SRGAP1: variants seen among roughly 807,000 people sequenced by gnomAD.
The protein encoded by SRGAP1 is SLIT-ROBO Rho GTPase-activating protein 1.
A neutral mutation model predicts 121.9 loss-of-function variants in SRGAP1; 43 were observed. The observed-to-expected ratio is 0.35, with a 90% CI of 0.28 to 0.46. The LOEUF is 0.46. Ranked by LOEUF, SRGAP1 falls within the 20% of genes least tolerant of loss-of-function variation. The pLI is 1.00. For missense variants in SRGAP1, 1,102 were observed against 1,350.9 expected (o/e 0.82, Z 2.89); for synonymous variants, 447 against 485.4 (o/e 0.92, Z 1.04).
chr12:64,054,546 C>T (rs1283857447), intron 6 of SRGAP1, among the ~76,000 whole-genome samples: 1 of 152,040 alleles, frequency 6.6e-6, no homozygotes, highest in African/African-American at 2.4e-5. Context: ...ACTGTATTCC[C>T]CATTAGACAT....
Position 64,156,648 on chromosome 12 carries a change from T to C in SRGAP1, c.*13976T>C, listed in dbSNP as rs1318062141. 2 of 152,192 alleles carry C rather than the reference T, an allele frequency of 1.3e-5. No homozygotes were observed. Among genetic ancestry groups the C allele is most frequent in the Non-Finnish European group, 2.9e-5 (2 of 68,036 alleles). 9.4% of individuals were successfully genotyped at this position (152,192 alleles called of 1,614,324 possible). ...GAAGTTAAATCTATTAATCTAGCCT[T>C]ATTACACCGAGTACAACAGGGAATA... is the stretch of plus-strand genomic sequence containing the variant. On this transcript the variant is annotated 3_prime_UTR_variant, in exon 22 of 22. Coordinates refer to ENST00000355086, the MANE Select transcript of SRGAP1 (RefSeq NM_020762.4).
At chr12:64,133,059 T>C (rs1385949003) in intron 21 of SRGAP1, among the ~76,000 whole-genome samples, 4 of 152,218 alleles carry the variant, frequency 2.6e-5, no homozygotes, top group African/African-American at 9.6e-5. Flanking sequence ...AATAATCCAC[T>C]GTCATTCTCC....
At chr12:63,941,559 G>A (rs1409359884) in intron 1 of SRGAP1, among the ~76,000 whole-genome samples, 1 of 151,878 alleles carries the variant, frequency 6.6e-6, no homozygotes, top group Non-Finnish European at 1.5e-5. Flanking sequence ...AGTTCACTTG[G>A]GTTTCACCAA....
At chr12:63,957,785 C>G (rs2032518438) in intron 1 of SRGAP1, among the ~76,000 whole-genome samples, 1 of 152,058 alleles carries the variant, frequency 6.6e-6, no homozygotes, top group Admixed American at 6.6e-5. Context: ...CCTTTTTTCT[C>G]TCAGCAATTT....
intron 11 of SRGAP1, among the ~76,000 whole-genome samples, chr12:64,087,592 C>T (rs186683549): frequency 7.2e-4 from 110 of 151,934 alleles, no homozygotes; most frequent in Non-Finnish European, 1.3e-3. Flanking sequence ...AAAAATTAGC[C>T]GGGCGTGGTG....
chr12:63,967,512 T>C (rs1005988369), intron 1 of SRGAP1, among the ~76,000 whole-genome samples: 1 of 152,202 alleles, frequency 6.6e-6, no homozygotes, highest in Non-Finnish European at 1.5e-5. Flanking sequence ...TACATTTTTG[T>C]TGAACCAGTG....
At chr12:63,958,523 A>G (rs1393525916) in intron 1 of SRGAP1, among the ~76,000 whole-genome samples, 1 of 152,194 alleles carries the variant, frequency 6.6e-6, no homozygotes. Context: ...TTGATGAGCA[A>G]CTTCACTGAA....
rs2037210915 is a variant in SRGAP1, at chr12:64,161,834, A to G, written c.*19162A>G. The G allele has an allele frequency of 6.6e-6, 1 of 152,220 alleles. No homozygotes were observed. The highest frequency in any genetic ancestry group is 2.1e-4 in the South Asian group (1 of 4,822). 9.4% of individuals were successfully genotyped at this position (152,220 alleles called of 1,614,324 possible). A position where few individuals can be genotyped will look rare whatever the true frequency, so the allele number is the denominator to read the frequency against. ...CAAATGTCCATCAACAGAGGGACAAATGAATAAGCAAATGTGGTATATTGA... is the reference window on the plus strand; with the variant it reads ...CAAATGTCCATCAACAGAGGGACAAGTGAATAAGCAAATGTGGTATATTGA... On this transcript the variant is annotated 3_prime_UTR_variant, in exon 22 of 22. Coordinates refer to ENST00000355086, the MANE Select transcript of SRGAP1 (RefSeq NM_020762.4).
chr12:63,863,607 CTTGTATTG>C (rs1899529488), intron 1 of SRGAP1, among the ~76,000 whole-genome samples: 1 of 152,174 alleles, frequency 6.6e-6, no homozygotes, highest in Non-Finnish European at 1.5e-5. Context: ...TTCTGTTGCA[CTTGTATTG>C]ACAGTGTTTA....
At chr12:64,084,412 A>G (rs181076070) in intron 10 of SRGAP1, among the ~76,000 whole-genome samples, 12 of 152,314 alleles carry the variant, frequency 7.9e-5, no homozygotes, top group Admixed American at 7.8e-4. Context: ...ATTGAAATCT[A>G]ATCCTCAGAC....
At chr12:63,909,467 GTA>G (rs2030387996) in intron 1 of SRGAP1, among the ~76,000 whole-genome samples, 1 of 152,134 alleles carries the variant, frequency 6.6e-6, no homozygotes, top group African/African-American at 2.4e-5. Flanking sequence ...CTTTTCAATT[GTA>G]TGTGCTTTTT....
At chr12:64,130,436 T>C (rs1480291236) in intron 21 of SRGAP1, among the ~76,000 whole-genome samples, 3 of 152,076 alleles carry the variant, frequency 2.0e-5, no homozygotes, top group Non-Finnish European at 4.4e-5. Flanking sequence ...CTAGGGATAA[T>C]GATGAATGGT....
At chr12:64,060,205 C>CTTTTTTTTTTTTT (rs58447783) in intron 6 of SRGAP1, among the ~76,000 whole-genome samples, 1 of 121,442 alleles carries the variant, frequency 8.2e-6, no homozygotes, top group Admixed American at 8.7e-5. Context: ...TTCTTTTTTT[C>CTTTTTTTTTTTTT]TTTTTTTTTT....
At chr12:63,845,554 A>G (rs1898875111) in intron 1 of SRGAP1, among the ~76,000 whole-genome samples, 1 of 152,192 alleles carries the variant, frequency 6.6e-6, no homozygotes, top group Non-Finnish European at 1.5e-5. Flanking sequence ...TTGCATGTAA[A>G]ATGAAGGTTT....
chr12:63,993,300 C>T (rs764674726), intron 3 of SRGAP1, among the ~76,000 whole-genome samples: 22 of 152,092 alleles, frequency 1.4e-4, no homozygotes, highest in Non-Finnish European at 3.1e-4. Flanking sequence ...ATACAAATTA[C>T]TCCCACATGC....
rs139600835 is a variant in SRGAP1, at chr12:64,004,704, T to G, written c.427-12246T>G. On this transcript the variant is annotated intron_variant, in intron 3 of 21. Coordinates refer to ENST00000355086, the MANE Select transcript of SRGAP1 (RefSeq NM_020762.4). ...TCATTTTCAAAGAGGCATAGACACA[T>G]TGAATCCTTACCCATTTTTCTCATC... 1.6e-3 allele frequency among the ~76,000 whole-genome samples: 238 copies of G among 152,310 alleles called. 2 individuals are homozygous for G. Among genetic ancestry groups the G allele is most frequent in the Admixed American group, 2.8e-3 (43 of 15,300 alleles).
chr12:64,017,051 G>A (rs1362903622), intron 4 of SRGAP1, 39 bp downstream of exon 4: 2 of 1,228,762 alleles, frequency 1.6e-6, no homozygotes, highest in Non-Finnish European at 2.3e-6. Flanking sequence ...GAATCCTTGG[G>A]TTAGAATTCT....
At chr12:64,097,504 A>G in intron 15 of SRGAP1, 129 bp downstream of exon 15, 1 of 1,006,762 alleles carries the variant, frequency 9.9e-7, no homozygotes, top group Non-Finnish European at 1.4e-6. Flanking sequence ...TTCTGGGACC[A>G]TTTGTTTTCT....
chr12:63,938,391 C>T (rs955063655), intron 1 of SRGAP1, among the ~76,000 whole-genome samples: 9 of 152,088 alleles, frequency 5.9e-5, no homozygotes, highest in South Asian at 2.1e-4. Context: ...CCAGGGTGTC[C>T]GGTTGTGCTC....
Sources: allele counts gnomAD v4.1 joint callset (sites outside exome capture counted in the v4.1 genomes callset), GRCh38; gene constraint gnomAD v4.1.1; transcripts MANE v1.5; gene names NCBI Gene and HGNC (gene_info 2026-07-23, HGNC 2026-07-21).